TRPC7: variants seen among roughly 807,000 people sequenced by gnomAD.
The protein encoded by TRPC7 is transient receptor potential cation channel subfamily C member 7.
TRPC7 carries 42 observed loss-of-function variants against 90.1 expected under a neutral mutation model. That is an observed-to-expected ratio of 0.47 (90% CI 0.36 to 0.60). TRPC7 has a LOEUF of 0.60. Among genes scored for constraint, TRPC7 ranks in the 20% least tolerant of loss-of-function variants. TRPC7 has a pLI of 0.00. For missense variants in TRPC7, 955 were observed against 1,112.3 expected (o/e 0.86, Z 2.01); for synonymous variants, 451 against 436.3 (o/e 1.03, Z -0.42).
intron 2 of TRPC7, among the ~76,000 whole-genome samples, chr5:136,325,171 T>C (rs1759306842): frequency 6.6e-6 from 1 of 152,236 alleles, no homozygotes. Flanking sequence ...GATAGTATTA[T>C]TATCCCTAAA....
chr5:136,291,576 C>T (rs1249673291), intron 3 of TRPC7, among the ~76,000 whole-genome samples: 2 of 152,160 alleles, frequency 1.3e-5, no homozygotes, highest in African/African-American at 4.8e-5. Context: ...GGGATCAATT[C>T]AACAAGAAGA....
At chr5:136,316,220 T>C (rs2149839450) in intron 2 of TRPC7, 1 of 160,856 alleles carries the variant, frequency 6.2e-6, no homozygotes, top group Admixed American at 6.1e-5. Flanking sequence ...GAGTCAGTTC[T>C]GAGGGAGGAA....
At chr5:136,356,564 C>A in intron 2 of TRPC7, 44 bp downstream of exon 2, 2 of 1,490,158 alleles carry the variant, frequency 1.3e-6, no homozygotes, top group Non-Finnish European at 1.8e-6. Context: ...CGTGGAAGAG[C>A]CCCCTGGGCA....
intron 5 of TRPC7, among the ~76,000 whole-genome samples, chr5:136,257,862 C>A (rs1756735094): frequency 6.6e-6 from 1 of 152,124 alleles, no homozygotes; most frequent in Non-Finnish European, 1.5e-5. Context: ...AAAATCTCAA[C>A]ATCTGAGTGG....
intron 7 of TRPC7, 109 bp from the exon 8 acceptor site, chr5:136,231,658 G>A (rs1755821139): frequency 9.7e-7 from 1 of 1,035,072 alleles, no homozygotes; most frequent in Non-Finnish European, 1.4e-6. Flanking sequence ...AGGCTGGAGT[G>A]CAGTGGCTCA....
In TRPC7 at chr5:136,256,249, T is replaced by C. The variant is rs1293781150; in HGVS notation, c.1346-4367A>G. Among the ~76,000 whole-genome samples, 3 of 152,162 alleles carry C rather than the reference T, an allele frequency of 2.0e-5. No homozygotes were observed. The East Asian group carries it at 5.8e-4, about 29-fold the overall frequency. ...CTCCTCCTCAGTTTTCTTTGCTGCT[T>C]TTCTAACTCTGCCCACTCCTTAAGG... On this transcript the variant is annotated intron_variant, in intron 5 of 11. Transcript: ENST00000513104.
intron 3 of TRPC7, among the ~76,000 whole-genome samples, chr5:136,283,122 G>C (rs1757597004): frequency 6.6e-6 from 1 of 152,218 alleles, no homozygotes; most frequent in Non-Finnish European, 1.5e-5. Flanking sequence ...GCTGTGGTAT[G>C]ACCAGTTTTC....
chr5:136,347,401 G>T (rs1381659804), intron 2 of TRPC7, among the ~76,000 whole-genome samples: 1 of 152,184 alleles, frequency 6.6e-6, no homozygotes, highest in African/African-American at 2.4e-5. Context: ...AGGAGAAGGG[G>T]AGGTCTACTC....
chr5:136,349,214 T>C (rs567419977), intron 2 of TRPC7, among the ~76,000 whole-genome samples: 2 of 152,366 alleles, frequency 1.3e-5, no homozygotes, highest in South Asian at 4.1e-4. Flanking sequence ...TCTAAGCTTA[T>C]TCAGTTTTAG....
chr5:136,268,841 T>A (rs1757118202), intron 4 of TRPC7, among the ~76,000 whole-genome samples: 1 of 152,204 alleles, frequency 6.6e-6, no homozygotes, highest in Non-Finnish European at 1.5e-5. Flanking sequence ...TACTTCTGGG[T>A]TTGAATGCAT....
chr5:136,214,107 A>T (rs1358257425), intron 11 of TRPC7: 1 of 154,700 alleles, frequency 6.5e-6, no homozygotes, highest in Admixed American at 6.3e-5. Flanking sequence ...CATGGAGCTG[A>T]CCAGCCTCTT....
At chr5:136,312,092 T>C (rs10042289) in intron 3 of TRPC7, among the ~76,000 whole-genome samples, 74,395 of 151,956 alleles carry the variant, frequency 0.49, 18,740 homozygotes, top group Middle Eastern at 0.59. Flanking sequence ...TGTTTGGACC[T>C]GGGACTGACT....
chr5:136,274,561 T>C (rs1331173982), intron 4 of TRPC7, 112 bp downstream of exon 4: 12 of 1,187,216 alleles, frequency 1.0e-5, no homozygotes, highest in East Asian at 5.9e-5. Context: ...AGGAATATTT[T>C]CTTTAAATAT....
At chr5:136,236,515 T>A (rs1397173070) in intron 7 of TRPC7, among the ~76,000 whole-genome samples, 1 of 152,138 alleles carries the variant, frequency 6.6e-6, no homozygotes, top group Non-Finnish European at 1.5e-5. Context: ...CACCCCAGCA[T>A]AAGAAGCACT....
intron 3 of TRPC7, among the ~76,000 whole-genome samples, chr5:136,281,564 A>G (rs2149818792): frequency 6.6e-6 from 1 of 152,190 alleles, no homozygotes; most frequent in Non-Finnish European, 1.5e-5. Flanking sequence ...TGGTTCTGCA[A>G]CTCTGCAGGC....
intron 3 of TRPC7, among the ~76,000 whole-genome samples, chr5:136,314,961 C>G (rs1452011579): frequency 6.6e-6 from 1 of 152,132 alleles, no homozygotes; most frequent in African/African-American, 2.4e-5. Context: ...TCCTTATAAT[C>G]TTAATCTGAG....
chr5:136,301,922 C>T (rs1260892279), intron 3 of TRPC7, among the ~76,000 whole-genome samples: 1 of 152,226 alleles, frequency 6.6e-6, no homozygotes, highest in Non-Finnish European at 1.5e-5. Flanking sequence ...AAAGATCCAC[C>T]TACGACCTCA....
At chr5:136,320,666 C>T (rs139564258) in intron 2 of TRPC7, among the ~76,000 whole-genome samples, 2 of 152,306 alleles carry the variant, frequency 1.3e-5, no homozygotes, top group East Asian at 1.9e-4. Flanking sequence ...GTTTTATTTA[C>T]TGGGGGTCTC....
intron 7 of TRPC7, among the ~76,000 whole-genome samples, chr5:136,235,423 G>A (rs1202924944): frequency 1.3e-5 from 2 of 152,252 alleles, no homozygotes; most frequent in East Asian, 3.9e-4. Flanking sequence ...GACTTGTGTT[G>A]CCTTGACCTT....
Sources: gnomAD v4.1 joint callset for allele counts (sites outside exome capture counted in the v4.1 genomes callset) on GRCh38, gnomAD v4.1.1 for gene constraint, MANE v1.5 for transcripts, NCBI Gene and HGNC (gene_info 2026-07-23, HGNC 2026-07-21) for gene names.